The following RBFOX1 variants were observed in gnomAD, a reference collection of about 807,000 sequenced individuals.
RBFOX1 encodes RNA binding protein fox-1 homolog 1.
Under a neutral mutation model 57.7 loss-of-function variants are expected in RBFOX1, and 8 were observed. The observed-to-expected ratio is 0.14, with a 90% confidence interval of 0.08 to 0.25. The LOEUF (loss-of-function observed/expected upper bound fraction) is 0.25. Among genes scored for constraint, RBFOX1 ranks in the 10% least tolerant of loss-of-function variants. The pLI is 1.00. For missense variants in RBFOX1, 611 were observed against 548.5 expected (o/e 1.11, Z -1.14); for synonymous variants, 326 against 222.4 (o/e 1.47, Z -4.15).
At chr16:7,409,191 CAG>C (rs1262551868) in intron 4 of RBFOX1, among the ~76,000 whole-genome samples, 1 of 152,324 alleles carries the variant, frequency 6.6e-6, no homozygotes, top group African/African-American at 2.4e-5. Flanking sequence ...CTGCTGTGAT[CAG>C]AGAGTCTGGA....
Position 7,106,984 on chromosome 16 carries a change from A to AAACACACACACACACACACAC in RBFOX1, c.27+54887_27+54888insACACACACACACACACACACA, listed in dbSNP as rs529197707. Among the ~76,000 whole-genome samples the AAACACACACACACACACACAC allele has an allele frequency of 5.9e-3, 871 of 148,580 alleles. 2 individuals carry two copies. The highest frequency in any genetic ancestry group is 8.1e-3 in the Non-Finnish European group (545 of 67,280). The stretch of plus-strand genomic sequence containing the variant: ...ATTCCCATGTAAGCCACACAGTTAA[A>AAACACACACACACACACACAC]ACACACACACACACACACACACACT... On this transcript the variant is annotated intron_variant, in intron 4 of 15. Coordinates refer to ENST00000550418, the MANE Select transcript of RBFOX1 (RefSeq NM_018723.4).
intron 11 of RBFOX1, among the ~76,000 whole-genome samples, chr16:7,634,399 T>TTC (rs397752172): frequency 2.0e-5 from 3 of 152,060 alleles, no homozygotes; most frequent in South Asian, 2.1e-4. Flanking sequence ...TTTTTTTTTT[T>TTC]CGAGACTTAA....
intron 2 of RBFOX1, among the ~76,000 whole-genome samples, chr16:6,480,610 C>T (rs1463047636): frequency 6.6e-6 from 1 of 152,198 alleles, no homozygotes; most frequent in East Asian, 1.9e-4. Context: ...AGTTGGCTAT[C>T]TTCTGTTTTG....
Position 7,527,497 on chromosome 16 carries a change from G to A in RBFOX1, c.270+9108G>A, listed in dbSNP as rs530781012. Among the ~76,000 whole-genome samples the A allele has an allele frequency of 2.6e-5, 4 of 152,142 alleles. No individual in the cohort carries two copies. The East Asian group carries it at 7.8e-4, about 29-fold the overall frequency. Reference sequence around the variant, plus strand: ...ACTGGGGTTTCAGCCTCGGATTTTGGCAGAATTGGAGGTTGTTATGACAGG... The same window carrying A: ...ACTGGGGTTTCAGCCTCGGATTTTGACAGAATTGGAGGTTGTTATGACAGG... On this transcript the variant is annotated intron_variant, in intron 5 of 15. Transcript: ENST00000550418.
At chr16:5,246,661 A>T (rs7403914) in intron 1 of RBFOX1, among the ~76,000 whole-genome samples, 148,709 of 151,818 alleles carry the variant, frequency 0.98, 72,904 homozygotes, top group Middle Eastern at 1. Context: ...TAAACTTTTT[A>T]ATTTTCTTTT....
intron 3 of RBFOX1, among the ~76,000 whole-genome samples, chr16:6,714,800 G>A (rs1469798560): frequency 6.6e-6 from 1 of 152,096 alleles, no homozygotes; most frequent in Non-Finnish European, 1.5e-5. Context: ...AGGAGAAACT[G>A]GCTTATTTCT....
In RBFOX1 at chr16:7,074,738, A is replaced by G. The variant is rs1598771116; in HGVS notation, c.27+22640A>G. ...CCAGAGAGCATGGGGAAAAACAAGC[A>G]GTATAAGCATAAGAAAAAATTATAC... On this transcript the variant is annotated intron_variant, in intron 4 of 15. Transcript: ENST00000550418. 2.0e-5 allele frequency among the ~76,000 whole-genome samples: 3 copies of G among 152,352 alleles called. No individual in the cohort carries two copies. The East Asian group carries it at 5.8e-4, about 29-fold the overall frequency.
At chr16:5,728,590 C>T (rs964129791) in intron 3 of RBFOX1, among the ~76,000 whole-genome samples, 2 of 152,012 alleles carry the variant, frequency 1.3e-5, no homozygotes, top group African/African-American at 4.8e-5. Flanking sequence ...TTCTCTGATG[C>T]CATTTATCTT....
intron 2 of RBFOX1, among the ~76,000 whole-genome samples, chr16:6,583,466 G>A (rs930570936): frequency 6.6e-6 from 1 of 152,236 alleles, no homozygotes; most frequent in African/African-American, 2.4e-5. Flanking sequence ...TAGCCCTGTG[G>A]ATGAACAGTG....
chr16:5,857,758 C>T (rs932739970), intron 3 of RBFOX1, among the ~76,000 whole-genome samples: 1 of 151,212 alleles, frequency 6.6e-6, no homozygotes, highest in African/African-American at 2.4e-5. Flanking sequence ...CCTGTCTCTA[C>T]CAAGGAAAAA....
intron 1 of RBFOX1, among the ~76,000 whole-genome samples, chr16:5,420,938 CTTCCTCCTGCTT>C (rs2067305713): frequency 7.4e-6 from 1 of 135,738 alleles, no homozygotes; most frequent in Non-Finnish European, 1.6e-5. Flanking sequence ...TCCCCCTCCC[CTTCCTCCTGCTT>C]TTCCTCCTCC....
At chr16:7,017,472 C>G (rs1481225575) in intron 3 of RBFOX1, among the ~76,000 whole-genome samples, 1 of 152,136 alleles carries the variant, frequency 6.6e-6, no homozygotes, top group Admixed American at 6.5e-5. Flanking sequence ...GACGCGCGCA[C>G]ACATGCTTGT....
chr16:5,347,544 C>A (rs960910720), intron 1 of RBFOX1, among the ~76,000 whole-genome samples: 25 of 152,196 alleles, frequency 1.6e-4, no homozygotes, highest in Admixed American at 3.3e-4. Flanking sequence ...AATCACTATT[C>A]CATCCACCTA....
chr16:7,592,403 T>C, intron 7 of RBFOX1, among the ~76,000 whole-genome samples: 1 of 152,156 alleles, frequency 6.6e-6, no homozygotes, highest in East Asian at 1.9e-4. Context: ...TTGCCTTGGG[T>C]TCAGACATGA....
Position 7,344,162 on chromosome 16 carries a change from C to T in RBFOX1, c.28-173985C>T, listed in dbSNP as rs201017576. Among the ~76,000 whole-genome samples the T allele has an allele frequency of 4.1e-3, 484 of 117,510 alleles. 3 individuals are homozygous for T. The highest frequency in any genetic ancestry group is 0.014 in the African/African-American group (425 of 30,700). 77.1% of individuals were successfully genotyped at this position (117,510 alleles called of 152,430 possible). A position where few individuals can be genotyped will look rare whatever the true frequency, so the allele number is the denominator to read the frequency against. On this transcript the variant is annotated intron_variant, in intron 4 of 15. Coordinates refer to ENST00000550418, the MANE Select transcript of RBFOX1 (RefSeq NM_018723.4). ...CTACTCTGAACTGCAGTTTTCTCTT[C>T]GGTAAAATGGCCCATATTAAAAGTG...
rs777595065 is a variant in RBFOX1, at chr16:7,052,115, G to A, written c.27+17G>A. 4 of 1,590,708 alleles carry A rather than the reference G, an allele frequency of 2.5e-6. No homozygotes were observed. In the East Asian group the frequency reaches 9.0e-5, roughly 36 times the overall value. On this transcript the variant is annotated intron_variant, in intron 4 of 15. Transcript: ENST00000550418. Reference sequence around the variant, plus strand: ...CAGCTAAGGGTAGGTGCACCTGCTTGTAAAATGCTTCCTGATTCTCATTTT... The same window carrying A: ...CAGCTAAGGGTAGGTGCACCTGCTTATAAAATGCTTCCTGATTCTCATTTT...
chr16:5,323,773 C>G (rs1052242061), intron 1 of RBFOX1, among the ~76,000 whole-genome samples: 17 of 152,224 alleles, frequency 1.1e-4, no homozygotes, highest in African/African-American at 4.1e-4. Flanking sequence ...GACGGTTGGC[C>G]TTACTGATAG....
intron 3 of RBFOX1, among the ~76,000 whole-genome samples, chr16:6,897,250 C>T (rs180836914): frequency 7.2e-5 from 11 of 152,282 alleles, no homozygotes; most frequent in East Asian, 1.9e-4. Context: ...TTGCATTCCC[C>T]GTCTTTACTA....
At chr16:7,327,608 G>A (rs573186458) in intron 4 of RBFOX1, among the ~76,000 whole-genome samples, 4 of 152,176 alleles carry the variant, frequency 2.6e-5, no homozygotes, top group Non-Finnish European at 5.9e-5. Flanking sequence ...GCAACTGACA[G>A]CTTCTTTTTA....
Sources: allele counts gnomAD v4.1 joint callset (sites outside exome capture counted in the v4.1 genomes callset), GRCh38; gene constraint gnomAD v4.1.1; transcripts MANE v1.5; gene names NCBI Gene and HGNC (gene_info 2026-07-23, HGNC 2026-07-21).